Variants in ZNF654 observed in about 807,000 individuals in gnomAD.
ZNF654 encodes zinc finger protein 654.
ZNF654 carries 19 observed loss-of-function variants against 95.3 expected under a neutral mutation model. The ratio of observed to expected loss-of-function variants is 0.20; its 90% confidence interval spans 0.14 to 0.29. The LOEUF is 0.29. ZNF654 is among the 10% of genes least tolerant of loss of function. The probability of loss-of-function intolerance (pLI) is 1.00; values close to 1 mark genes in which losing one functional copy is unlikely to be tolerated. For synonymous variants in ZNF654, 413 were observed against 457.9 expected (o/e 0.90, Z 1.25); for missense variants, 1,046 against 1,341.0 (o/e 0.78, Z 3.44).
Position 88,143,053 on chromosome 3 carries a change from A to T in ZNF654, c.*1401A>T, listed in dbSNP as rs1470244355. On this transcript the variant is annotated 3_prime_UTR_variant, in exon 9 of 9. Coordinates refer to ENST00000636215, the MANE Select transcript of ZNF654 (RefSeq NM_001350134.2). ...TTCAAAACAGATCTCCTAATGTCCC[A>T]ATGTCAAATATTCCAGTTATTCTAA... The T allele has an allele frequency of 1.3e-5, 2 of 152,286 alleles. No individual in the cohort carries two copies. The highest frequency in any genetic ancestry group is 4.8e-5 in the African/African-American group (2 of 41,426). 9.4% of individuals were successfully genotyped at this position (152,286 alleles called of 1,614,324 possible).
chr3:88,095,422 T>C (rs1704001101), intron 2 of ZNF654: 3 of 341,776 alleles, frequency 8.8e-6, no homozygotes, highest in East Asian at 8.9e-5. Context: ...CCCTTTGCTG[T>C]TTTTTCCTCT....
At chr3:88,072,028 C>T (rs1361042515) in intron 1 of ZNF654, among the ~76,000 whole-genome samples, 3 of 152,058 alleles carry the variant, frequency 2.0e-5, no homozygotes, top group Admixed American at 2.0e-4. Flanking sequence ...ATATCTTAGG[C>T]ATAAATCTAC....
intron 2 of ZNF654, among the ~76,000 whole-genome samples, chr3:88,089,905 A>G (rs1308017669): frequency 6.6e-6 from 1 of 152,190 alleles, no homozygotes; most frequent in African/African-American, 2.4e-5. Flanking sequence ...TGGTACCATG[A>G]GATTATAATG....
At chr3:88,062,096 C>A (rs2107582548) in intron 1 of ZNF654, among the ~76,000 whole-genome samples, 1 of 152,130 alleles carries the variant, frequency 6.6e-6, no homozygotes, top group South Asian at 2.1e-4. Flanking sequence ...TTGGACTGGC[C>A]CTATCACATC....
rs1559740268 is a variant in ZNF654, at chr3:88,141,817, A to G, written c.*165A>G. On this transcript the variant is annotated 3_prime_UTR_variant, in exon 9 of 9. Transcript: ENST00000636215. ...CATTTTCTAGAATGAACTCACAGAG[A>G]TGTGCTGGCTTAGACTCCAAAAGGA... 2 of 488,846 alleles carry G rather than the reference A, an allele frequency of 4.1e-6. No homozygotes were observed. The highest frequency in any genetic ancestry group is 6.6e-5 in the East Asian group (2 of 30,338). The allele number at this position is 488,846 out of a possible 1,614,324, so 30.3% of individuals were successfully genotyped here.
rs370947934 is a variant in ZNF654 at position 88,140,669 on chromosome 3, C to G, written c.3000C>G (p.Asn1000Lys). ...ATCCTGCTTTGAAAATTGATACAAA[C>G]AGAATCAGGACAGAAAATGGTTCCA... ...SSDPALKIDT[N>K]RIRTENGSIL... The change falls in exon 8 of 9, where the codon AAC (asparagine) becomes AAG (lysine). Residue 1000 changes from asparagine (N) to lysine (K), a missense_variant. Physicochemically the swap from Asn to Lys is moderately conservative, Grantham distance 94. This residue lies in a region of ZNF654 where 495 missense variants were observed against 537.0 expected (regional missense o/e 0.92). Transcript: ENST00000636215. The G allele has an allele frequency of 1.1e-4, 178 of 1,613,544 alleles. No homozygotes were observed. The highest frequency in any genetic ancestry group is 1.5e-4 in the Non-Finnish European group (172 of 1,179,734).
chr3:88,109,142 AGTGTGTGTGT>A (rs35595112), intron 2 of ZNF654, among the ~76,000 whole-genome samples: 34 of 142,530 alleles, frequency 2.4e-4, no homozygotes, highest in East Asian at 1.0e-3. Context: ...AGTGGGCACT[AGTGTGTGTGT>A]GTGTGTGTGT....
At chr3:88,135,040 C>G in intron 6 of ZNF654, 21 bp from the exon 7 acceptor site, 1 of 1,354,716 alleles carries the variant, frequency 7.4e-7, no homozygotes, top group Non-Finnish European at 9.5e-7. Context: ...TTTGATAATT[C>G]TCTTTTTTTC....
intron 1 of ZNF654, among the ~76,000 whole-genome samples, chr3:88,065,546 T>A (rs1453190881): frequency 6.6e-6 from 1 of 152,140 alleles, no homozygotes. Context: ...CCTTTGTAAA[T>A]AAAAAGACTG....
chr3:88,108,701 G>A (rs1704897271), intron 2 of ZNF654, among the ~76,000 whole-genome samples: 1 of 152,084 alleles, frequency 6.6e-6, no homozygotes, highest in East Asian at 1.9e-4. Context: ...CACAGTGCTT[G>A]TGTTCAGGTA....
chr3:88,090,692 C>T (rs1022610511), intron 2 of ZNF654, among the ~76,000 whole-genome samples: 1 of 152,146 alleles, frequency 6.6e-6, no homozygotes, highest in African/African-American at 2.4e-5. Flanking sequence ...CCTATAACAA[C>T]ATCATTCTTG....
intron 2 of ZNF654, among the ~76,000 whole-genome samples, chr3:88,097,591 T>G (rs6786788): frequency 0.78 from 119,071 of 151,872 alleles, 47,603 homozygotes; most frequent in South Asian, 0.91. Context: ...AGTAAAACAC[T>G]CCTCAGCAAA....
At chr3:88,062,523 C>T (rs1706942523) in intron 1 of ZNF654, among the ~76,000 whole-genome samples, 1 of 152,188 alleles carries the variant, frequency 6.6e-6, no homozygotes, top group Admixed American at 6.5e-5. Context: ...CTGTTATTGT[C>T]TGACTTGTTA....
intron 2 of ZNF654, among the ~76,000 whole-genome samples, chr3:88,097,835 G>A (rs1365128834): frequency 1.3e-5 from 2 of 152,188 alleles, no homozygotes; most frequent in African/African-American, 4.8e-5. Context: ...TTAAAGCAGT[G>A]TGTAGAGGGA....
chr3:88,129,206 A>T (rs1706292411), intron 5 of ZNF654, among the ~76,000 whole-genome samples, 195 bp downstream of exon 5: 1 of 151,968 alleles, frequency 6.6e-6, no homozygotes, highest in Admixed American at 6.6e-5. Context: ...ATCTGATATT[A>T]ACAAATGATG....
rs1707927971 is a variant in ZNF654, at chr3:88,078,517, A to AG, written c.187-7736dup. ...CTGAAGAGATGCTGTTAGTTTAGATAGGGGCAAATATTCTGTTTTCCAAAA... is the reference window on the plus strand; with the variant it reads ...CTGAAGAGATGCTGTTAGTTTAGATAGGGGGCAAATATTCTGTTTTCCAAAA... On this transcript the variant is annotated intron_variant, in intron 1 of 8. Transcript: ENST00000636215. Among the ~76,000 whole-genome samples the AG allele has an allele frequency of 1.3e-5, 2 of 152,186 alleles. 1 individual carries two copies. The highest frequency in any genetic ancestry group is 4.1e-4 in the South Asian group (2 of 4,834).
At chr3:88,093,079 CAG>C (rs762961496) in intron 2 of ZNF654, among the ~76,000 whole-genome samples, 9 of 152,094 alleles carry the variant, frequency 5.9e-5, no homozygotes, top group Non-Finnish European at 1.0e-4. Flanking sequence ...TCTGAAGAAA[CAG>C]AGATTTTGCT....
At chr3:88,061,132 C>T (rs1199055095) in intron 1 of ZNF654, among the ~76,000 whole-genome samples, 3 of 152,034 alleles carry the variant, frequency 2.0e-5, no homozygotes, top group Admixed American at 1.3e-4. Flanking sequence ...CTAGAAACCA[C>T]GCTATTGGTA....
At position 88,132,913 on chromosome 3, in the gene ZNF654, T is replaced by C. The variant is rs542530235; in HGVS notation, c.894-2148T>C. On this transcript the variant is annotated intron_variant, in intron 6 of 8. Coordinates refer to ENST00000636215, the MANE Select transcript of ZNF654 (RefSeq NM_001350134.2). ...CATCTGTGCCTAAATAGGAAAACAT[T>C]TAGGGTGCAGTATGAGCTACATGAA... is the stretch of plus-strand genomic sequence containing the variant. Among the ~76,000 whole-genome samples, 15 of 152,252 alleles carry C rather than the reference T, an allele frequency of 9.9e-5. No homozygotes were observed. In the East Asian group the frequency reaches 2.9e-3, roughly 29 times the overall value.
Sources: allele counts gnomAD v4.1 joint callset (sites outside exome capture counted in the v4.1 genomes callset), GRCh38; gene constraint gnomAD v4.1.1; regional missense constraint gnomAD v4.1.1; transcripts MANE v1.5; gene names NCBI Gene and HGNC (gene_info 2026-07-23, HGNC 2026-07-21).